The following LHCGR variants were observed in gnomAD, a reference collection of about 807,000 sequenced individuals.
The protein encoded by LHCGR is lutropin-choriogonadotropic hormone receptor.
LHCGR carries 55 observed loss-of-function variants against 60.7 expected under a neutral mutation model. That is an observed-to-expected ratio of 0.91 (90% CI 0.73 to 1.13). The LOEUF (loss-of-function observed/expected upper bound fraction) is 1.13. Among genes scored for constraint, LHCGR ranks in the 50% most tolerant of loss-of-function variants. The pLI is 0.00. For missense variants in LHCGR, 862 were observed against 836.0 expected, an observed-to-expected ratio of 1.03 and a Z score of -0.38; for synonymous variants, 337 against 316.5, an observed-to-expected ratio of 1.06 and a Z score of -0.69.
At chr2:48,728,675 A>T (rs1396917788) in intron 3 of LHCGR, among the ~76,000 whole-genome samples, 1 of 152,140 alleles carries the variant, frequency 6.6e-6, no homozygotes, top group East Asian at 1.9e-4. Context: ...TAATTCCAAA[A>T]CATCACAATA....
chr2:48,746,513 A>G (rs887958948), intron 1 of LHCGR, among the ~76,000 whole-genome samples: 2 of 152,246 alleles, frequency 1.3e-5, no homozygotes, highest in African/African-American at 4.8e-5. Context: ...ATGATCAGTC[A>G]GTTGAAACTT....
rs1328076298 is a variant in LHCGR at position 48,688,583 on chromosome 2, T to A, written c.1214A>T (p.Asp405Val). The A allele has an allele frequency of 6.2e-7, 1 of 1,614,062 alleles. No individual in the cohort carries two copies. The highest frequency in any genetic ancestry group is 1.3e-5 in the African/African-American group (1 of 74,926). The change falls in exon 11 of 11, where the codon GAC (aspartate) becomes GTC (valine). Residue 405 changes from aspartate to valine, a missense_variant. Asp to Val is a radical substitution (Grantham distance 152). Transcript: ENST00000294954. The surrounding 1 kb of genome is among the most constrained non-coding windows in gnomAD (Gnocchi z 5.2). ...CAGCAGATAGAGCCCCATGCAAAAG[T>A]CTGCAAAGGAGAGATTGCACATGAG... is the stretch of plus-strand genomic sequence containing the variant. ...RFLMCNLSFA[D>V]FCMGLYLLLI...
intron 8 of LHCGR, among the ~76,000 whole-genome samples, chr2:48,701,385 T>G (rs927068675): frequency 1.3e-5 from 2 of 152,166 alleles, no homozygotes; most frequent in African/African-American, 4.8e-5. Context: ...TGTGATTCCC[T>G]TCTTTGCTCC....
At chr2:48,711,856 T>G (rs1668006038) in intron 7 of LHCGR, among the ~76,000 whole-genome samples, 1 of 152,174 alleles carries the variant, frequency 6.6e-6, no homozygotes, top group Admixed American at 6.5e-5. Flanking sequence ...CCGTCCTTCC[T>G]GCTAACAGAT....
At chr2:48,725,874 A>G in intron 3 of LHCGR, 124 bp from the exon 4 acceptor site, 2 of 780,632 alleles carry the variant, frequency 2.6e-6, no homozygotes, top group Non-Finnish European at 4.5e-6. Flanking sequence ...GGCGACCTTC[A>G]TATGCTTGGG....
chr2:48,701,563 T>C (rs774914278), intron 8 of LHCGR, among the ~76,000 whole-genome samples: 1 of 152,216 alleles, frequency 6.6e-6, no homozygotes, highest in Non-Finnish European at 1.5e-5. Context: ...TTTTTCAGGA[T>C]AGTCTTCCCT....
At position 48,755,552 on chromosome 2, in the gene LHCGR, G is replaced by A; in HGVS notation, c.120C>T (p.Gly40=). The change falls in exon 1 of 11, where the codon GGC becomes GGT. Residue 40 remains glycine (G), a synonymous_variant. Coordinates refer to ENST00000294954, the MANE Select transcript of LHCGR (RefSeq NM_000233.4). ...CCGTGGGGCCGGGGCAGCGCAGGGC[G>A]CCGTCGGGCACGCAGTTGCAGGGCT... ...CPEPCNCVPD[G]ALRCPGPTAG... The A allele has an allele frequency of 6.5e-7, 1 of 1,541,264 alleles. No individual in the cohort carries two copies. The highest frequency in any genetic ancestry group is 1.2e-5 in the South Asian group (1 of 83,754).
intron 6 of LHCGR, among the ~76,000 whole-genome samples, chr2:48,719,691 G>A (rs555205995): frequency 6.6e-6 from 1 of 152,296 alleles, no homozygotes; most frequent in Non-Finnish European, 1.5e-5. Flanking sequence ...AGTTTCTCCA[G>A]CATCAAGTGA....
chr2:48,719,620 AC>A (rs1021978421), intron 6 of LHCGR, among the ~76,000 whole-genome samples: 6 of 152,288 alleles, frequency 3.9e-5, no homozygotes, highest in African/African-American at 1.2e-4. Context: ...TTAATGAACA[AC>A]CAAAGTGGCT....
At chr2:48,747,734 G>T (rs945582502) in intron 1 of LHCGR, among the ~76,000 whole-genome samples, 1 of 151,920 alleles carries the variant, frequency 6.6e-6, no homozygotes, top group Non-Finnish European at 1.5e-5. Flanking sequence ...CATCTTCACA[G>T]CATACTTCTA....
intron 9 of LHCGR, among the ~76,000 whole-genome samples, chr2:48,696,764 C>A (rs1298074217): frequency 6.6e-6 from 1 of 152,180 alleles, no homozygotes; most frequent in Non-Finnish European, 1.5e-5. Context: ...TGAGACAATT[C>A]CTTGCAGGAA....
intron 6 of LHCGR, among the ~76,000 whole-genome samples, chr2:48,715,691 G>C (rs191026316): frequency 6.6e-6 from 1 of 152,164 alleles, no homozygotes; most frequent in Non-Finnish European, 1.5e-5. Flanking sequence ...TGTACTCTGT[G>C]TGTATGTATG....
chr2:48,733,632 G>C (rs1180776304), intron 1 of LHCGR, among the ~76,000 whole-genome samples: 1 of 152,146 alleles, frequency 6.6e-6, no homozygotes, highest in African/African-American at 2.4e-5. Flanking sequence ...AAGAGTCCTG[G>C]GGGCCAGGGA....
At chr2:48,711,513 G>T (rs1285937221) in intron 7 of LHCGR, among the ~76,000 whole-genome samples, 1 of 152,120 alleles carries the variant, frequency 6.6e-6, no homozygotes, top group Non-Finnish European at 1.5e-5. Context: ...GAGATACAGG[G>T]TATACAGGAC....
intron 1 of LHCGR, among the ~76,000 whole-genome samples, chr2:48,750,908 A>C (rs1669927520): frequency 6.6e-6 from 1 of 152,252 alleles, no homozygotes. Flanking sequence ...GCTGGAAAAC[A>C]TTCTACAAGG....
At chr2:48,701,746 A>G (rs1277463399) in intron 8 of LHCGR, among the ~76,000 whole-genome samples, 3 of 152,136 alleles carry the variant, frequency 2.0e-5, no homozygotes, top group African/African-American at 4.8e-5. Flanking sequence ...GTCTCTTCTT[A>G]TTCTCTGCCA....
chr2:48,748,912 T>A (rs1397690461), intron 1 of LHCGR, among the ~76,000 whole-genome samples: 1 of 152,158 alleles, frequency 6.6e-6, no homozygotes, highest in Non-Finnish European at 1.5e-5. Flanking sequence ...TCTGTCCTGT[T>A]GATCAGTTTG....
In LHCGR at chr2:48,723,674, T is replaced by C; in HGVS notation, c.406A>G (p.Arg136Gly). 1 of 1,613,676 alleles carries C rather than the reference T, an allele frequency of 6.2e-7. No individual in the cohort carries two copies. Among genetic ancestry groups the C allele is most frequent in the Non-Finnish European group, 8.5e-7 (1 of 1,179,566 alleles). ...ACCTTCGTAACATCTGGAAACTTTC[T>C]GATGCCTGTGTTACAGATGCTCCTG... ...KYLSICNTGI[R>G]KFPDVTKVFS... The change falls in exon 5 of 11, where the codon AGA (arginine) becomes GGA (glycine). Residue 136 changes from arginine (R) to glycine (G), a missense_variant. Physicochemically the swap from Arg to Gly is moderately radical, Grantham distance 125. Transcript: ENST00000294954.
At chr2:48,734,291 T>C (rs924645910) in intron 1 of LHCGR, among the ~76,000 whole-genome samples, 23 of 152,182 alleles carry the variant, frequency 1.5e-4, no homozygotes, top group Admixed American at 1.2e-3. Context: ...AATTAAAATA[T>C]ATGTAAACGA....
Sources: gnomAD v4.1 joint callset for allele counts (sites outside exome capture counted in the v4.1 genomes callset) on GRCh38, gnomAD v4.1.1 for gene constraint, Gnocchi (gnomAD v3.1) non-coding constraint, MANE v1.5 for transcripts, NCBI Gene and HGNC (gene_info 2026-07-23, HGNC 2026-07-21) for gene names.